The following BRI3 variants were observed in gnomAD, a reference collection of about 807,000 sequenced individuals.
BRI3 encodes the protein brain protein I3, also known as membrane protein BRI3.
Under a neutral mutation model 12.8 loss-of-function variants are expected in BRI3, and 6 were observed. That is an observed-to-expected ratio of 0.47 (90% confidence interval 0.26 to 0.93). The LOEUF is 0.93. Ranked by LOEUF, BRI3 falls within the 40% of genes least tolerant of loss-of-function variation. The pLI, the probability that BRI3 is intolerant of heterozygous loss-of-function variation, is 0.15. For missense variants in BRI3, 134 were observed against 171.1 expected (o/e 0.78, Z 1.21); for synonymous variants, 91 against 76.1 (o/e 1.20, Z -1.02).
intron 2 of BRI3, among the ~76,000 whole-genome samples, chr7:98,288,186 G>C (rs1419004471): frequency 6.6e-6 from 1 of 152,214 alleles, no homozygotes; most frequent in Non-Finnish European, 1.5e-5. Context: ...GAAGAAAAGG[G>C]AAGAGGAAGC....
the BRI3 span, among the ~76,000 whole-genome samples, chr7:98,319,469 G>C: frequency 6.6e-6 from 1 of 152,040 alleles, no homozygotes; most frequent in African/African-American, 2.4e-5. Context: ...AAGCACAAAT[G>C]TCCTACAGCG....
Position 98,281,751 on chromosome 7 carries a change from G to A in BRI3, c.-45G>A. 1.0e-6 allele frequency: 1 copy of A among 982,684 alleles called. No individual in the cohort carries two copies. Among genetic ancestry groups the A allele is most frequent in the South Asian group, 4.6e-5 (1 of 21,678 alleles). 60.9% of individuals were successfully genotyped at this position (982,684 alleles called of 1,614,324 possible). ...CGCCGCCGCGTCCCCCGCCGGGGCC[G>A]ACCGAGCCGAGCCGGGCCGGAGCGG... is the stretch of plus-strand genomic sequence containing the variant. On this transcript the variant is annotated 5_prime_UTR_variant, in exon 1 of 3. Transcript: ENST00000297290.
At chr7:98,304,150 G>T (rs1026016114), upstream of BRI3, 1 of 1,500,126 alleles carries the variant, frequency 6.7e-7, no homozygotes, top group Non-Finnish European at 8.9e-7. Flanking sequence ...CCCAGTCGGG[G>T]ATGGCGAGTC....
At chr7:98,304,110 A>AG, upstream of BRI3, 2 of 1,387,314 alleles carry the variant, frequency 1.4e-6, no homozygotes, top group Non-Finnish European at 1.9e-6. Context: ...GACAGAGCAG[A>AG]GCAAGGCGGT....
At chr7:98,304,871 T>C (rs1457806232), upstream of BRI3, among the ~76,000 whole-genome samples, 1 of 150,880 alleles carries the variant, frequency 6.6e-6, no homozygotes, top group East Asian at 2.0e-4. Flanking sequence ...AGAAATTTTT[T>C]TTTTTTTTTT....
chr7:98,320,286 A>G, the BRI3 span: 1 of 1,606,624 alleles, frequency 6.2e-7, no homozygotes, highest in Non-Finnish European at 8.5e-7. Flanking sequence ...TGAAATCTCT[A>G]TGAGGACATG....
chr7:98,291,630 G>A, downstream of BRI3: 1 of 534,700 alleles, frequency 1.9e-6, no homozygotes, highest in Non-Finnish European at 2.4e-6. Context: ...TATTCAGCAG[G>A]CGCTTACAGC....
chr7:98,322,099 G>GC, the BRI3 span, among the ~76,000 whole-genome samples: 2 of 151,870 alleles, frequency 1.3e-5, no homozygotes, highest in African/African-American at 2.4e-5. Flanking sequence ...CTGTCTCCCC[G>GC]CCCCCCAAAA....
chr7:98,320,599 T>G, the BRI3 span, among the ~76,000 whole-genome samples: 4 of 152,136 alleles, frequency 2.6e-5, no homozygotes, highest in Non-Finnish European at 5.9e-5. Flanking sequence ...CCTCTCAAAG[T>G]TCTGGGATTA....
the BRI3 span, among the ~76,000 whole-genome samples, chr7:98,321,040 G>A: frequency 6.6e-5 from 10 of 151,910 alleles, no homozygotes. Context: ...GGGACATTTT[G>A]TGGGGAGGGT....
At chr7:98,291,084 C>T (rs569949932) in intron 2 of BRI3, 27 bp from the exon 3 acceptor site, 4 of 1,613,694 alleles carry the variant, frequency 2.5e-6, no homozygotes, top group African/African-American at 2.7e-5. Context: ...CTTACGGTGC[C>T]ACCCTCTCTG....
chr7:98,315,591 G>T, the BRI3 span: 88 of 1,457,062 alleles, frequency 6.0e-5, no homozygotes, highest in African/African-American at 1.1e-3. Context: ...TCACTCTGAC[G>T]AGAAGTAACG....
the BRI3 span, chr7:98,315,643 T>TAATAAG: frequency 9.3e-7 from 1 of 1,079,862 alleles, no homozygotes; most frequent in Non-Finnish European, 1.2e-6. Flanking sequence ...ATAATAATAA[T>TAATAAG]TATATAAGCA....
downstream of BRI3, among the ~76,000 whole-genome samples, chr7:98,294,774 G>C (rs1424087513): frequency 6.6e-6 from 1 of 152,212 alleles, no homozygotes; most frequent in Non-Finnish European, 1.5e-5. Flanking sequence ...GGGGCTGCTA[G>C]AGCCAGGGAT....
chr7:98,302,966 T>G (rs1800489651), upstream of BRI3, among the ~76,000 whole-genome samples: 1 of 152,282 alleles, frequency 6.6e-6, no homozygotes. Context: ...TTATATTTTT[T>G]GTCTACATAG....
Position 98,291,139 on chromosome 7 carries a change from T to C in BRI3, c.274T>C (p.Phe92Leu). 1 of 1,614,192 alleles carries C rather than the reference T, an allele frequency of 6.2e-7. No homozygotes were observed. The highest frequency in any genetic ancestry group is 8.5e-7 in the Non-Finnish European group (1 of 1,180,028). The stretch of plus-strand genomic sequence containing the variant: ...TGGGGTGCTGGAGGACTGCTTCACC[T>C]TCCTGGGCATCTTCCTGGCCATCAT... ...RVGVLEDCFT[F>L]LGIFLAIILF... Residue 92 changes from phenylalanine to leucine, a missense_variant, in exon 3 of 3, where the codon TTC becomes CTC. Phe to Leu is a conservative substitution (Grantham distance 22). Transcript: ENST00000297290.
downstream of BRI3, chr7:98,291,686 C>T (rs1022743776): frequency 7.3e-6 from 2 of 274,550 alleles, no homozygotes; most frequent in African/African-American, 2.3e-5. Context: ...AAGTTGTAAT[C>T]CCTTGATATT....
intron 2 of BRI3, among the ~76,000 whole-genome samples, chr7:98,287,094 T>A (rs1584392519): frequency 6.6e-6 from 1 of 152,356 alleles, no homozygotes; most frequent in Admixed American, 6.5e-5. Context: ...GGGCCGGGGT[T>A]CTCAGGTCTG....
Position 98,291,393 on chromosome 7 carries a change from C to T in BRI3, c.*150C>T, listed in dbSNP as rs529949746. ...ACACGCCAGCTGCGGTTTCCCGGAG[C>T]GTGGAGAGGCAGTGCTGCTGCTCCC... On this transcript the variant is annotated 3_prime_UTR_variant, in exon 3 of 3. Transcript: ENST00000297290. The T allele has an allele frequency of 5.3e-5, 77 of 1,463,348 alleles. No homozygotes were observed. The highest frequency in any genetic ancestry group is 8.6e-5 in the South Asian group (6 of 69,828). 90.6% of individuals were successfully genotyped at this position (1,463,348 alleles called of 1,614,324 possible).
Sources: gnomAD v4.1 joint callset for allele counts (sites outside exome capture counted in the v4.1 genomes callset) on GRCh38, gnomAD v4.1.1 for gene constraint, MANE v1.5 for transcripts, NCBI Gene and HGNC (gene_info 2026-07-23, HGNC 2026-07-21) for gene names.